The following LRMDA variants were observed in gnomAD, a reference collection of about 807,000 sequenced individuals.
LRMDA encodes the protein leucine rich melanocyte differentiation associated.
LRMDA carries 18 observed loss-of-function variants against 29.8 expected under a neutral mutation model. That is an observed-to-expected ratio of 0.60 (90% CI 0.42 to 0.90). The LOEUF (loss-of-function observed/expected upper bound fraction) is 0.90, where lower values mean the gene tolerates loss of function less well. LRMDA is among the 40% of genes least tolerant of loss of function. The pLI, the probability that LRMDA is intolerant of heterozygous loss-of-function variation, is 0.00. For missense variants in LRMDA, 273 were observed against 273.9 expected (o/e 1.00, Z 0.02); for synonymous variants, 125 against 109.4 (o/e 1.14, Z -0.89).
At chr10:75,846,719 C>G (rs1844644244) in intron 2 of LRMDA, among the ~76,000 whole-genome samples, 1 of 151,978 alleles carries the variant, frequency 6.6e-6, no homozygotes, top group African/African-American at 2.4e-5. Flanking sequence ...ATACCAAAAA[C>G]AAACCCCCCA....
chr10:76,267,068 G>A (rs929337619), intron 5 of LRMDA, among the ~76,000 whole-genome samples: 2 of 152,056 alleles, frequency 1.3e-5, no homozygotes, highest in African/African-American at 4.8e-5. Flanking sequence ...CTTCTATAGG[G>A]ACTCTTTGGG....
intron 2 of LRMDA, among the ~76,000 whole-genome samples, chr10:75,720,691 C>G (rs1436862471): frequency 6.6e-6 from 1 of 152,176 alleles, no homozygotes; most frequent in East Asian, 1.9e-4. Context: ...GCTGTGGATT[C>G]AGAACTCTGT....
rs1842897653 is a variant in LRMDA, at chr10:76,499,586, A to G, written c.602-57623A>G. Among the ~76,000 whole-genome samples the G allele has an allele frequency of 2.7e-5, 2 of 75,270 alleles. 1 individual carries two copies. The highest frequency in any genetic ancestry group is 7.0e-4 in the South Asian group (2 of 2,858). 49.4% of individuals were successfully genotyped at this position (75,270 alleles called of 152,430 possible). A position where few individuals can be genotyped will look rare whatever the true frequency, so the allele number is the denominator to read the frequency against. Reference sequence around the variant, plus strand: ...AATTTCACACTGTTGAAAAATTAGTAAAATTATTTCTTATACACCCTTCTC... The same window carrying G: ...AATTTCACACTGTTGAAAAATTAGTGAAATTATTTCTTATACACCCTTCTC... On this transcript the variant is annotated intron_variant, in intron 6 of 6. Coordinates refer to ENST00000611255, the MANE Select transcript of LRMDA (RefSeq NM_001305581.2).
At chr10:75,565,488 C>T (rs1840360280) in intron 2 of LRMDA, among the ~76,000 whole-genome samples, 1 of 152,154 alleles carries the variant, frequency 6.6e-6, no homozygotes, top group Non-Finnish European at 1.5e-5. Flanking sequence ...TTCTTTTTGG[C>T]ACAGCTGAGG....
chr10:75,447,008 G>A (rs1844403761), intron 2 of LRMDA, among the ~76,000 whole-genome samples: 2 of 152,190 alleles, frequency 1.3e-5, no homozygotes, highest in Non-Finnish European at 2.9e-5. Flanking sequence ...ATTGGGGTAG[G>A]GGAGGCAACA....
At position 75,818,261 on chromosome 10, in the gene LRMDA, C is replaced by T. The variant is rs1844094701; in HGVS notation, c.132-217747C>T. 2.0e-5 allele frequency among the ~76,000 whole-genome samples: 3 copies of T among 152,106 alleles called. No individual in the cohort carries two copies. The South Asian group carries it at 6.2e-4, about 32-fold the overall frequency. On this transcript the variant is annotated intron_variant, in intron 2 of 6. Transcript: ENST00000611255. ...TGTGGGGTAAGAGTTGTGGGGTCAG[C>T]CACTAGTGGTATTGCTCCCAGCCAG...
chr10:75,708,919 G>T, intron 2 of LRMDA, among the ~76,000 whole-genome samples: 1 of 152,106 alleles, frequency 6.6e-6, no homozygotes, highest in East Asian at 1.9e-4. Context: ...TTTTGCTTTT[G>T]TTTTTCCTAA....
intron 6 of LRMDA, among the ~76,000 whole-genome samples, chr10:76,389,762 A>G (rs1334812243): frequency 6.6e-6 from 1 of 152,222 alleles, no homozygotes; most frequent in Non-Finnish European, 1.5e-5. Flanking sequence ...GCTTAGCATA[A>G]TGTCCTCAAA....
intron 5 of LRMDA, among the ~76,000 whole-genome samples, chr10:76,125,467 T>A (rs1849862885): frequency 6.6e-6 from 1 of 152,224 alleles, no homozygotes; most frequent in East Asian, 1.9e-4. Context: ...ATGTACTAAT[T>A]GGATTTTGAA....
chr10:75,861,821 A>G (rs1844935492), intron 2 of LRMDA, among the ~76,000 whole-genome samples: 1 of 152,324 alleles, frequency 6.6e-6, no homozygotes, highest in Admixed American at 6.5e-5. Context: ...CAAATGGGAC[A>G]TTAGCATGTG....
At position 76,136,846 on chromosome 10, in the gene LRMDA, A is replaced by G. The variant is rs74150512; in HGVS notation, c.516+78063A>G. Among the ~76,000 whole-genome samples the G allele has an allele frequency of 2.0e-3, 302 of 152,332 alleles. 2 individuals carry two copies. The highest frequency in any genetic ancestry group is 6.8e-3 in the African/African-American group (282 of 41,580). On this transcript the variant is annotated intron_variant, in intron 5 of 6. Coordinates refer to ENST00000611255, the MANE Select transcript of LRMDA (RefSeq NM_001305581.2). ...TACCAGGCTGAGGAGGACCAAGCGT[A>G]TCAATACCCCAAGGAAGCACGTCCA...
intron 2 of LRMDA, among the ~76,000 whole-genome samples, chr10:75,635,720 C>G (rs1232340632): frequency 6.6e-6 from 1 of 151,748 alleles, no homozygotes; most frequent in African/African-American, 2.4e-5. Context: ...CACTTATTTT[C>G]CTGATTACAT....
Position 76,026,143 on chromosome 10 carries a change from G to T in LRMDA, c.132-9865G>T, listed in dbSNP as rs550898705. Among the ~76,000 whole-genome samples the T allele has an allele frequency of 5.9e-5, 9 of 152,254 alleles. No homozygotes were observed. In the East Asian group the frequency reaches 1.7e-3, roughly 29 times the overall value. On this transcript the variant is annotated intron_variant, in intron 2 of 6. Transcript: ENST00000611255. ...AGCATCCATGGAGTACAGAGTGAAA[G>T]GAAAAAGAACTCGAAAACCATTTAG...
chr10:75,582,290 T>C (rs7098576), intron 2 of LRMDA, among the ~76,000 whole-genome samples: 2,637 of 152,346 alleles, frequency 0.017, 79 homozygotes, highest in African/African-American at 0.06. Flanking sequence ...TGCAGCAGGC[T>C]TCTGCCTGGA....
intron 2 of LRMDA, among the ~76,000 whole-genome samples, chr10:75,823,403 T>C (rs1410736625): frequency 1.3e-5 from 2 of 151,932 alleles, no homozygotes; most frequent in Non-Finnish European, 2.9e-5. Context: ...AAAAACACAA[T>C]GAGATACCAT....
At chr10:75,782,956 A>G (rs776005003) in intron 2 of LRMDA, 40 of 1,613,826 alleles carry the variant, frequency 2.5e-5, no homozygotes, top group African/African-American at 6.7e-5. Flanking sequence ...TTGAATGTCA[A>G]TATCTTTGCC....
intron 2 of LRMDA, chr10:75,783,105 G>C (rs1407973475): frequency 2.0e-6 from 3 of 1,516,738 alleles, no homozygotes; most frequent in Non-Finnish European, 2.7e-6. Context: ...AAGGCTGGCT[G>C]TCAGGGTAGG....
chr10:75,590,383 AT>A (rs1840708201), intron 2 of LRMDA, among the ~76,000 whole-genome samples: 1 of 152,026 alleles, frequency 6.6e-6, no homozygotes, highest in Non-Finnish European at 1.5e-5. Flanking sequence ...ATTTTTCATT[AT>A]GGTAAATGGA....
chr10:75,888,592 G>A (rs945013954), intron 2 of LRMDA, among the ~76,000 whole-genome samples: 9 of 152,164 alleles, frequency 5.9e-5, no homozygotes, highest in African/African-American at 1.9e-4. Context: ...AGATTAGCAC[G>A]AATGTTTAGT....
Sources: gnomAD v4.1 joint callset for allele counts (sites outside exome capture counted in the v4.1 genomes callset) on GRCh38, gnomAD v4.1.1 for gene constraint, MANE v1.5 for transcripts, NCBI Gene and HGNC (gene_info 2026-07-23, HGNC 2026-07-21) for gene names.